The following GLIS3 variants were observed in gnomAD, a reference collection of about 807,000 sequenced individuals.
The protein encoded by GLIS3 is GLIS family zinc finger 3.
GLIS3 carries 53 observed loss-of-function variants against 78.6 expected under a neutral mutation model. The observed-to-expected ratio is 0.67, with a 90% CI of 0.54 to 0.85. The LOEUF (loss-of-function observed/expected upper bound fraction) is 0.85. GLIS3 is among the 40% of genes least tolerant of loss of function. GLIS3 has a pLI of 0.00. For missense variants in GLIS3, 1,703 were observed against 1,231.1 expected, an observed-to-expected ratio of 1.38 and a Z score of -5.74; for synonymous variants, 684 against 509.9, an observed-to-expected ratio of 1.34 and a Z score of -4.60.
chr9:3,859,674 C>A lies in GLIS3; in HGVS notation c.2298-3490G>T, dbSNP rs373685368. The stretch of plus-strand genomic sequence containing the variant: ...CTTCTGACATCTTTTCTAGGTCCAA[C>A]CCTGTTCTCTAGCTGCTGATCTGCA... On this transcript the variant is annotated intron_variant, in intron 8 of 10. Coordinates refer to ENST00000381971, the MANE Select transcript of GLIS3 (RefSeq NM_001042413.2). Among the ~76,000 whole-genome samples the A allele has an allele frequency of 2.6e-5, 4 of 152,286 alleles. No homozygotes were observed. The East Asian group carries it at 7.7e-4, about 29-fold the overall frequency.
chr9:3,962,864 G>A (rs779747388), intron 4 of GLIS3, among the ~76,000 whole-genome samples: 1 of 150,364 alleles, frequency 6.7e-6, no homozygotes, highest in African/African-American at 2.4e-5. Context: ...TAGTAACGAA[G>A]TCCTGAATTG....
chr9:4,065,545 C>A (rs1342059320), intron 4 of GLIS3, among the ~76,000 whole-genome samples: 1 of 152,066 alleles, frequency 6.6e-6, no homozygotes, highest in Non-Finnish European at 1.5e-5. Flanking sequence ...TATTAAGTAA[C>A]ACAAATGTCA....
chr9:4,467,010 A>G, the GLIS3 span, among the ~76,000 whole-genome samples: 1 of 152,246 alleles, frequency 6.6e-6, no homozygotes, highest in Non-Finnish European at 1.5e-5. Flanking sequence ...GGCGGGTCCC[A>G]TGCCCACGGT....
At chr9:4,353,906 C>G in the GLIS3 span, among the ~76,000 whole-genome samples, 3 of 152,132 alleles carry the variant, frequency 2.0e-5, no homozygotes, top group South Asian at 6.2e-4. Context: ...CGGCTCACTG[C>G]AAGCTCAGTC....
At chr9:4,486,605 T>C in the GLIS3 span, among the ~76,000 whole-genome samples, 2 of 152,208 alleles carry the variant, frequency 1.3e-5, no homozygotes, top group African/African-American at 4.8e-5. Context: ...GTTCAATACA[T>C]TGGTATGCCT....
intron 2 of GLIS3, among the ~76,000 whole-genome samples, chr9:4,195,284 A>G (rs1244707731): frequency 6.6e-6 from 1 of 152,106 alleles, no homozygotes; most frequent in Non-Finnish European, 1.5e-5. Context: ...CTTGGCTTGC[A>G]GGGAGGTGTG....
At chr9:4,064,359 G>T (rs892507316) in intron 4 of GLIS3, among the ~76,000 whole-genome samples, 1 of 152,046 alleles carries the variant, frequency 6.6e-6, no homozygotes, top group Non-Finnish European at 1.5e-5. Context: ...ACAAATCATA[G>T]AAGTTATTGA....
chr9:3,925,503 G>T (rs1825155868), intron 6 of GLIS3, among the ~76,000 whole-genome samples: 1 of 152,188 alleles, frequency 6.6e-6, no homozygotes, highest in South Asian at 2.1e-4. Flanking sequence ...CCCCATGTCT[G>T]TATGGGTTTT....
chr9:4,333,544 AT>A (rs1817714234), intron 2 of GLIS3, among the ~76,000 whole-genome samples: 1 of 152,182 alleles, frequency 6.6e-6, no homozygotes, highest in South Asian at 2.1e-4. Flanking sequence ...ACCTTTCAAC[AT>A]TGCTCTGGGC....
intron 2 of GLIS3, among the ~76,000 whole-genome samples, chr9:4,212,210 T>C (rs1184597073): frequency 6.6e-6 from 1 of 152,222 alleles, no homozygotes; most frequent in African/African-American, 2.4e-5. Flanking sequence ...ACAAGGGTCA[T>C]TGATCTGCTT....
rs541678142 is a variant in GLIS3 at position 4,118,475 on chromosome 9, T to G, written c.1003A>C (p.Arg335=). The G allele has an allele frequency of 1.5e-5, 25 of 1,613,874 alleles. No homozygotes were observed. In the African/African-American group the frequency reaches 2.5e-4, roughly 16 times the overall value. ...GGGGACAGGTTGGCCGGCGAAGCCC[T>G]CGACCCGTTGATGTAGGCCACCAAG... ...TSLVAYINGS[R]ASPANLSPQP... Residue 335 remains arginine, a synonymous_variant, in exon 4 of 11, where the codon AGG becomes CGG. Transcript: ENST00000381971. This position sits in a 1 kb window ranked among gnomAD's most constrained non-coding sequence, Gnocchi z 4.7.
chr9:4,255,916 T>C (rs1264905363), intron 2 of GLIS3, among the ~76,000 whole-genome samples: 1 of 152,168 alleles, frequency 6.6e-6, no homozygotes, highest in African/African-American at 2.4e-5. Flanking sequence ...TGTACTACTC[T>C]GTGGGGATGT....
In GLIS3 at chr9:4,070,086, C is replaced by T. The variant is rs184102380; in HGVS notation, c.1710+47682G>A. On this transcript the variant is annotated intron_variant, in intron 4 of 10. Coordinates refer to ENST00000381971, the MANE Select transcript of GLIS3 (RefSeq NM_001042413.2). ...CTGTAATCAAAATACTCAAGTGATT[C>T]TGACTATAAATATATATAATATATG... Among the ~76,000 whole-genome samples the T allele has an allele frequency of 3.0e-3, 462 of 152,178 alleles. 3 individuals are homozygous for T. Among genetic ancestry groups the T allele is most frequent in the Non-Finnish European group, 4.4e-3 (298 of 68,014 alleles).
At chr9:4,269,224 T>A (rs1430208184) in intron 2 of GLIS3, among the ~76,000 whole-genome samples, 1 of 152,208 alleles carries the variant, frequency 6.6e-6, no homozygotes, top group Non-Finnish European at 1.5e-5. Flanking sequence ...CCACTTGAGA[T>A]TTGTGACCTT....
Position 4,020,503 on chromosome 9 carries a change from T to A in GLIS3, c.1711-83314A>T, listed in dbSNP as rs570257016. Among the ~76,000 whole-genome samples, 5 of 152,308 alleles carry A rather than the reference T, an allele frequency of 3.3e-5. No individual in the cohort carries two copies. The South Asian group carries it at 1.0e-3, about 32-fold the overall frequency. ...GAAAAAATTTCACCAACCCTTTTGC[T>A]TAGTATAAGAGCATGATGTGTTTTT... On this transcript the variant is annotated intron_variant, in intron 4 of 10. Coordinates refer to ENST00000381971, the MANE Select transcript of GLIS3 (RefSeq NM_001042413.2).
intron 2 of GLIS3, among the ~76,000 whole-genome samples, chr9:4,244,548 T>C (rs529343481): frequency 6.6e-6 from 1 of 152,246 alleles, no homozygotes; most frequent in African/African-American, 2.4e-5. Context: ...AGATGTGAGG[T>C]AGATATCTGT....
intron 7 of GLIS3, among the ~76,000 whole-genome samples, chr9:3,883,355 A>G (rs1821863601): frequency 1.3e-5 from 2 of 152,172 alleles, no homozygotes; most frequent in South Asian, 4.1e-4. Context: ...ATCTCCATTA[A>G]TGTTTTAAGT....
At chr9:4,099,988 GT>G (rs1830242804) in intron 4 of GLIS3, among the ~76,000 whole-genome samples, 2 of 151,990 alleles carry the variant, frequency 1.3e-5, no homozygotes, top group Admixed American at 6.5e-5. Flanking sequence ...TTCCCAGCCT[GT>G]AAACTGGAAA....
chr9:3,912,543 A>G (rs141589717), intron 6 of GLIS3, among the ~76,000 whole-genome samples: 131 of 152,352 alleles, frequency 8.6e-4, no homozygotes, highest in South Asian at 2.7e-3. Flanking sequence ...GCTGAGGTTC[A>G]AAAGGATGTT....
Sources: allele counts gnomAD v4.1 joint callset (sites outside exome capture counted in the v4.1 genomes callset), GRCh38; gene constraint gnomAD v4.1.1; non-coding constraint Gnocchi (gnomAD v3.1); transcripts MANE v1.5; gene names NCBI Gene and HGNC (gene_info 2026-07-23, HGNC 2026-07-21).